The following LRBA variants were observed in gnomAD, a reference collection of about 807,000 sequenced individuals.
The protein encoded by LRBA is LPS responsive beige-like anchor protein, also known as lipopolysaccharide-responsive and beige-like anchor protein.
LRBA carries 176 observed loss-of-function variants against 330.0 expected under a neutral mutation model. The observed-to-expected ratio is 0.53, with a 90% CI of 0.47 to 0.60. LRBA has a LOEUF of 0.60. Ranked by LOEUF, LRBA falls within the 20% of genes least tolerant of loss-of-function variation. The pLI is 0.00. For synonymous variants in LRBA, 1,230 were observed against 1,193.0 expected, an observed-to-expected ratio of 1.03 and a Z score of -0.64; for missense variants, 3,259 against 3,444.8, an observed-to-expected ratio of 0.95 and a Z score of 1.35.
At chr4:150,872,074 G>A (rs1753507261) in intron 18 of LRBA, among the ~76,000 whole-genome samples, 1 of 152,118 alleles carries the variant, frequency 6.6e-6, no homozygotes, top group African/African-American at 2.4e-5. Context: ...CATGAAAGCA[G>A]CCACAGATGA....
chr4:150,347,702 C>T (rs1357264817), intron 48 of LRBA, among the ~76,000 whole-genome samples: 1 of 150,356 alleles, frequency 6.7e-6, no homozygotes, highest in Non-Finnish European at 1.5e-5. Context: ...ATATATTTAT[C>T]ACAATAAACA....
At chr4:150,729,887 T>C (rs1395857464) in intron 36 of LRBA, among the ~76,000 whole-genome samples, 3 of 152,058 alleles carry the variant, frequency 2.0e-5, no homozygotes, top group Non-Finnish European at 2.9e-5. Flanking sequence ...AGAACAAACA[T>C]TGGAGAAAAG....
intron 46 of LRBA, among the ~76,000 whole-genome samples, chr4:150,429,939 C>T (rs1273544575): frequency 6.6e-6 from 1 of 151,946 alleles, no homozygotes. Flanking sequence ...AGCAAATAAC[C>T]AATAAATGCT....
intron 47 of LRBA, among the ~76,000 whole-genome samples, chr4:150,412,650 A>C (rs1190106812): frequency 6.6e-6 from 1 of 152,116 alleles, no homozygotes; most frequent in Non-Finnish European, 1.5e-5. Context: ...TTTAAAGTGA[A>C]GTAAACATAC....
At position 150,487,771 on chromosome 4, in the gene LRBA, C is replaced by T. The variant is rs572317255; in HGVS notation, c.6512G>A (p.Arg2171His). The change falls in exon 42 of 57, where the codon CGT (arginine) becomes CAT (histidine). Residue 2171 changes from arginine (R) to histidine (H), a missense_variant. Physicochemically the swap from Arg to His is conservative, Grantham distance 29. Transcript: ENST00000651943. ...TCCAAAACTTGTTCCAACGCCAACA[C>T]GAGGTAGATAGTTAACCACTTTCTT... Reference protein sequence around the residue: ...TVKKVVNYLPRVGVGTSFGLP... With the variant: ...TVKKVVNYLPHVGVGTSFGLP... 18 of 1,599,570 alleles carry T rather than the reference C, an allele frequency of 1.1e-5. No homozygotes were observed. Among genetic ancestry groups the T allele is most frequent in the African/African-American group, 5.4e-5 (4 of 74,612 alleles).
At chr4:150,628,857 TG>T (rs1777100801) in intron 37 of LRBA, among the ~76,000 whole-genome samples, 1 of 152,216 alleles carries the variant, frequency 6.6e-6, no homozygotes, top group South Asian at 2.1e-4. Context: ...AAGTTTTAAA[TG>T]GATAACAAGT....
At chr4:150,632,235 A>G (rs1416881229) in intron 37 of LRBA, among the ~76,000 whole-genome samples, 8 of 1,272 alleles carry the variant, frequency 6.3e-3, no homozygotes, top group Admixed American at 0.038. Flanking sequence ...TGTCTCAAGG[A>G]AAAAAAAAAA....
At chr4:150,298,960 T>C (rs1729310114) in intron 53 of LRBA, among the ~76,000 whole-genome samples, 1 of 152,118 alleles carries the variant, frequency 6.6e-6, no homozygotes, top group African/African-American at 2.4e-5. Context: ...TAAATCCATG[T>C]TTATGAATAT....
intron 36 of LRBA, among the ~76,000 whole-genome samples, chr4:150,695,660 G>T (rs76404223): frequency 6.6e-6 from 1 of 152,066 alleles, no homozygotes; most frequent in Non-Finnish European, 1.5e-5. Context: ...AACCAATTCC[G>T]CATGGATCCA....
intron 43 of LRBA, among the ~76,000 whole-genome samples, chr4:150,470,417 ATATGCAAGAGAATTTCCCTGTCTTATC>A (rs1755953712): frequency 6.6e-6 from 1 of 151,866 alleles, no homozygotes; most frequent in Non-Finnish European, 1.5e-5. Context: ...CTCTCTTCTC[ATATGCAAGAGAATTTCCCTGTCTTATC>A]TCACTGCTTT....
intron 2 of LRBA, among the ~76,000 whole-genome samples, chr4:150,970,154 T>A (rs1739365853): frequency 6.6e-6 from 1 of 152,162 alleles, no homozygotes; most frequent in Non-Finnish European, 1.5e-5. Context: ...AGCATTTTTT[T>A]AATGAAGGTG....
chr4:150,831,244 C>T (rs1200073298), intron 29 of LRBA, among the ~76,000 whole-genome samples: 1 of 150,246 alleles, frequency 6.7e-6, no homozygotes, highest in Non-Finnish European at 1.5e-5. Flanking sequence ...TAAAATACTA[C>T]ACAATCTACT....
chr4:150,731,457 C>T (rs182263220), intron 36 of LRBA, among the ~76,000 whole-genome samples: 1 of 152,146 alleles, frequency 6.6e-6, no homozygotes, highest in Non-Finnish European at 1.5e-5. Context: ...TACTAGTCAG[C>T]CATAAAAAGG....
intron 52 of LRBA, among the ~76,000 whole-genome samples, chr4:150,304,959 A>G (rs974877100): frequency 1.3e-5 from 2 of 152,232 alleles, no homozygotes; most frequent in Non-Finnish European, 2.9e-5. Context: ...CATAGAGTAT[A>G]TATATGACTT....
At chr4:150,691,765 A>G (rs892718658) in intron 36 of LRBA, among the ~76,000 whole-genome samples, 1 of 152,228 alleles carries the variant, frequency 6.6e-6, no homozygotes, top group Non-Finnish European at 1.5e-5. Flanking sequence ...CCCATGGTGC[A>G]TTTAGTCATA....
At position 150,588,124 on chromosome 4, in the gene LRBA, G is replaced by T. The variant is rs1406349701; in HGVS notation, c.6254C>A (p.Thr2085Asn). ...GAGTTCGGAGGAGGTGACAGAAAGA[G>T]TGCCCTTTACTACAACAGAGGGGGC... ...LVAPSVVVKG[T>N]LSVTSSELYF... Residue 2085 changes from threonine to asparagine, a missense_variant, in exon 40 of 57, where the codon ACT becomes AAT. Transcript: ENST00000651943. 6.2e-7 allele frequency: 1 copy of T among 1,612,470 alleles called. No individual in the cohort carries two copies. The highest frequency in any genetic ancestry group is 2.2e-5 in the East Asian group (1 of 44,858).
chr4:150,790,674 A>G (rs1169355454), intron 34 of LRBA, among the ~76,000 whole-genome samples: 1 of 152,216 alleles, frequency 6.6e-6, no homozygotes, highest in East Asian at 1.9e-4. Flanking sequence ...ACCAATTTAT[A>G]TAGCTTGAAT....
chr4:150,650,390 T>G (rs1451740604), intron 37 of LRBA, among the ~76,000 whole-genome samples: 1 of 152,196 alleles, frequency 6.6e-6, no homozygotes, highest in Non-Finnish European at 1.5e-5. Flanking sequence ...AAACATTCTA[T>G]TTTTTCCTAA....
intron 35 of LRBA, among the ~76,000 whole-genome samples, chr4:150,736,404 T>A (rs1454219508): frequency 6.6e-6 from 1 of 151,954 alleles, no homozygotes; most frequent in Non-Finnish European, 1.5e-5. Flanking sequence ...GAACTAATTG[T>A]GTAACAGAGA....
Sources: allele counts gnomAD v4.1 joint callset (sites outside exome capture counted in the v4.1 genomes callset), GRCh38; gene constraint gnomAD v4.1.1; transcripts MANE v1.5; gene names NCBI Gene and HGNC (gene_info 2026-07-23, HGNC 2026-07-21).